KLHL23: variants seen among roughly 807,000 people sequenced by gnomAD.
KLHL23 encodes the protein kelch-like protein 23.
In KLHL23, 33 loss-of-function variants were observed where a neutral mutation model predicts 48.9. That is an observed-to-expected ratio of 0.67 (90% CI 0.51 to 0.90). The LOEUF (loss-of-function observed/expected upper bound fraction) is 0.90, where lower values mean the gene tolerates loss of function less well. Among genes scored for constraint, KLHL23 ranks in the 40% least tolerant of loss-of-function variants. KLHL23 has a pLI of 0.00. For missense variants in KLHL23, 608 were observed against 669.6 expected (o/e 0.91, Z 1.02); for synonymous variants, 234 against 231.6 (o/e 1.01, Z -0.09).
Position 169,741,618 on chromosome 2 carries a change from T to G in KLHL23, c.1366+81T>G, listed in dbSNP as rs574962626. ...AGGATGGCTAAAAATGGACTGGAAATAGAAAATGCTGATTTTATTGTAGAC... is the reference window on the plus strand; with the variant it reads ...AGGATGGCTAAAAATGGACTGGAAAGAGAAAATGCTGATTTTATTGTAGAC... On this transcript the variant is annotated intron_variant, in intron 3 of 3. Transcript: ENST00000392647. The G allele has an allele frequency of 2.9e-4, 432 of 1,470,544 alleles. 2 individuals carry two copies. The African/African-American group carries it at 5.5e-3, about 19-fold the overall frequency. The allele number at this position is 1,470,544 out of a possible 1,614,324, so 91.1% of individuals were successfully genotyped here. A position where few individuals can be genotyped will look rare whatever the true frequency, so the allele number is the denominator to read the frequency against.
chr2:169,745,172 C>T (rs1023811059), intron 3 of KLHL23, among the ~76,000 whole-genome samples: 4 of 152,000 alleles, frequency 2.6e-5, no homozygotes, highest in Admixed American at 6.6e-5. Flanking sequence ...CCGCCTCAGC[C>T]TCCCAAAGCA....
chr2:169,735,967 T>G lies in KLHL23; in HGVS notation c.953T>G (p.Leu318Ter). Residue 318 changes from leucine (L) to a stop codon, truncating the protein, a stop_gained, in exon 2 of 4, where the codon TTA becomes TGA. Transcript: ENST00000392647. LOFTEE classifies it high-confidence loss of function. This position sits in a 1 kb window ranked among gnomAD's most constrained non-coding sequence, Gnocchi z 4.5. ...AGGGAGAGCTATGGTGTTACATGTT[T>G]AGGACCCAACATTTATGTAACTGGG... ...YTRESYGVTC[L>*]GPNIYVTGGY... 6.2e-7 allele frequency: 1 copy of G among 1,614,196 alleles called. No homozygotes were observed. Among genetic ancestry groups the G allele is most frequent in the East Asian group, 2.2e-5 (1 of 44,886 alleles).
Position 169,749,502 on chromosome 2 carries a change from C to G in KLHL23, c.1447C>G (p.Pro483Ala). The G allele has an allele frequency of 1.2e-6, 2 of 1,613,870 alleles. No homozygotes were observed. Among genetic ancestry groups the G allele is most frequent in the Non-Finnish European group, 1.7e-6 (2 of 1,179,982 alleles). ...AACTACAATCACAGAATGCTATGAC[C>G]CTGAACAAAATGAATGGAGAGAGAT... ...GQTTITECYD[P>A]EQNEWREIAP... The change falls in exon 4 of 4, where the codon CCT (proline) becomes GCT (alanine). Residue 483 changes from proline (P) to alanine (A), a missense_variant. Pro to Ala is a conservative substitution (Grantham distance 27). Transcript: ENST00000392647.
intron 2 of KLHL23, among the ~76,000 whole-genome samples, chr2:169,738,730 C>G (rs1221171127): frequency 6.6e-6 from 1 of 151,320 alleles, no homozygotes; most frequent in Non-Finnish European, 1.5e-5. Flanking sequence ...CAAAATGGTG[C>G]TAGGTAAAAG....
At chr2:169,742,589 A>G (rs1410710052) in intron 3 of KLHL23, among the ~76,000 whole-genome samples, 2 of 152,194 alleles carry the variant, frequency 1.3e-5, no homozygotes, top group South Asian at 2.1e-4. Flanking sequence ...CCTGCTTTCA[A>G]CCAAGGCAGC....
At chr2:169,740,108 A>G (rs1416509136) in intron 2 of KLHL23, among the ~76,000 whole-genome samples, 2 of 152,176 alleles carry the variant, frequency 1.3e-5, no homozygotes, top group East Asian at 3.9e-4. Context: ...ACTGTACACT[A>G]CTGTAGACTT....
Position 169,735,180 on chromosome 2 carries a change from G to C in KLHL23, c.166G>C (p.Ala56Pro), listed in dbSNP as rs1688480846. 1 of 1,610,572 alleles carries C rather than the reference G, an allele frequency of 6.2e-7. No homozygotes were observed. The highest frequency in any genetic ancestry group is 8.5e-7 in the Non-Finnish European group (1 of 1,179,080). The change falls in exon 2 of 4, where the codon GCT becomes CCT. Residue 56 changes from alanine to proline, a missense_variant. Ala to Pro is a conservative substitution (Grantham distance 27, BLOSUM62 -1). This residue lies in a region of KLHL23 where 419 missense variants were observed against 473.1 expected (regional missense o/e 0.89). Coordinates refer to ENST00000392647, the MANE Select transcript of KLHL23 (RefSeq NM_144711.6). The surrounding 1 kb of genome is among the most constrained non-coding windows in gnomAD (Gnocchi z 4.5). ...TTTCCATTGTCACCGAGCCGTTTTA[G>C]CTGCTTGCAGCAATTATTTTAAGGC... ...IIFHCHRAVLAACSNYFKAMF... is the reference protein window; with the variant it reads ...IIFHCHRAVLPACSNYFKAMF...
At chr2:169,739,199 G>A (rs1688614380) in intron 2 of KLHL23, among the ~76,000 whole-genome samples, 1 of 149,728 alleles carries the variant, frequency 6.7e-6, no homozygotes, top group African/African-American at 2.5e-5. Flanking sequence ...TGTTTTACCT[G>A]TCTCTTTCCT....
intron 2 of KLHL23, among the ~76,000 whole-genome samples, chr2:169,736,859 A>G (rs1470346283): frequency 2.0e-5 from 3 of 152,264 alleles, no homozygotes; most frequent in Non-Finnish European, 4.4e-5. Context: ...GAGGAGTTGT[A>G]CAAAAACAAC....
At position 169,751,649 on chromosome 2, in the gene KLHL23, T is replaced by C. The variant is rs371904169; in HGVS notation, c.*1917T>C. 1 of 152,150 alleles carries C rather than the reference T, an allele frequency of 6.6e-6. No individual in the cohort carries two copies. The highest frequency in any genetic ancestry group is 2.1e-4 in the South Asian group (1 of 4,830). The allele number at this position is 152,150 out of a possible 1,614,324, so 9.4% of individuals were successfully genotyped here. On this transcript the variant is annotated 3_prime_UTR_variant, in exon 4 of 4. Coordinates refer to ENST00000392647, the MANE Select transcript of KLHL23 (RefSeq NM_144711.6). ...AGTATTATACTGCCATTAAAATAAT[T>C]ATTTGGAAGACTGTAGAAACGTGGA...
chr2:169,747,049 G>A (rs532774610), intron 3 of KLHL23, among the ~76,000 whole-genome samples: 6 of 152,186 alleles, frequency 3.9e-5, no homozygotes, highest in African/African-American at 1.4e-4. Flanking sequence ...ATGTGGAAAT[G>A]AAGCAAAAAT....
At chr2:169,745,287 C>T (rs1442362645) in intron 3 of KLHL23, among the ~76,000 whole-genome samples, 3 of 151,588 alleles carry the variant, frequency 2.0e-5, no homozygotes, top group East Asian at 2.0e-4. Flanking sequence ...CCAAGGTGGG[C>T]GGATCATGAG....
intron 3 of KLHL23, among the ~76,000 whole-genome samples, chr2:169,747,464 CTTTT>C (rs145417361): frequency 0.011 from 1,350 of 125,214 alleles, 34 homozygotes; most frequent in African/African-American, 0.036. Context: ...GAGGAAATCA[CTTTT>C]TTTTTTTTTT....
At chr2:169,740,495 C>G (rs910141535) in intron 2 of KLHL23, among the ~76,000 whole-genome samples, 1 of 149,664 alleles carries the variant, frequency 6.7e-6, no homozygotes, top group Non-Finnish European at 1.5e-5. Flanking sequence ...GTCACCCAGG[C>G]TGGAGTGCAG....
intron 2 of KLHL23, among the ~76,000 whole-genome samples, chr2:169,738,194 G>A (rs59634323): frequency 0.15 from 22,540 of 152,116 alleles, 1,706 homozygotes; most frequent in Middle Eastern, 0.23. Flanking sequence ...CCAGTTATGT[G>A]CAGTTTTGAC....
chr2:169,748,190 G>T (rs1302797426), intron 3 of KLHL23, among the ~76,000 whole-genome samples: 1 of 152,214 alleles, frequency 6.6e-6, no homozygotes, highest in African/African-American at 2.4e-5. Flanking sequence ...AAAATAGGAT[G>T]ATGTGGTAGA....
intron 2 of KLHL23, among the ~76,000 whole-genome samples, chr2:169,740,713 GC>G (rs1265956945): frequency 6.8e-6 from 1 of 147,662 alleles, no homozygotes; most frequent in Non-Finnish European, 1.5e-5. Context: ...CTCCCAAAGT[GC>G]TGGGATTACA....
intron 2 of KLHL23, among the ~76,000 whole-genome samples, chr2:169,737,607 C>G (rs1688549655): frequency 6.9e-6 from 1 of 144,066 alleles, no homozygotes; most frequent in Non-Finnish European, 1.5e-5. Flanking sequence ...GAGTATATTT[C>G]TTTTTCTTTT....
rs1457753966 is a variant in KLHL23 at position 169,749,924 on chromosome 2, TATATATACACACACAC to T, written c.*199_*214del. ...GGTCAAGAAAAATCTTATATATATA[TATATATACACACACAC>T]ATATATGTGTTCATATATATGTATA... On this transcript the variant is annotated 3_prime_UTR_variant, in exon 4 of 4. Transcript: ENST00000392647. 1.6e-5 allele frequency: 4 copies of T among 247,908 alleles called. No homozygotes were observed. The highest frequency in any genetic ancestry group is 7.8e-4 in the Middle Eastern group (1 of 1,278). The allele number at this position is 247,908 out of a possible 1,614,324, so 15.4% of individuals were successfully genotyped here.
Sources: gnomAD v4.1 joint callset for allele counts (sites outside exome capture counted in the v4.1 genomes callset) on GRCh38, gnomAD v4.1.1 for gene constraint, gnomAD v4.1.1 regional missense constraint, Gnocchi (gnomAD v3.1) non-coding constraint, MANE v1.5 for transcripts, NCBI Gene and HGNC (gene_info 2026-07-23, HGNC 2026-07-21) for gene names.